The following CDK14 variants were observed in gnomAD, a reference collection of about 807,000 sequenced individuals.
CDK14 encodes the protein cyclin dependent kinase 14, also known as cyclin-dependent kinase 14.
In CDK14, 34 loss-of-function variants were observed where a neutral mutation model predicts 60.7. The observed-to-expected ratio is 0.56, with a 90% CI of 0.43 to 0.75. The LOEUF (loss-of-function observed/expected upper bound fraction) is 0.75. Among genes scored for constraint, CDK14 ranks in the 30% least tolerant of loss-of-function variants. The pLI, the probability that CDK14 is intolerant of heterozygous loss-of-function variation, is 0.00. For missense variants in CDK14, 482 were observed against 564.1 expected (o/e 0.85, Z 1.47); for synonymous variants, 197 against 203.7 (o/e 0.97, Z 0.28).
intron 10 of CDK14, among the ~76,000 whole-genome samples, chr7:91,015,031 GTCTA>G (rs3840669): frequency 4.3e-4 from 65 of 152,240 alleles, no homozygotes; most frequent in African/African-American, 1.2e-3. Context: ...TCTTATAGGA[GTCTA>G]TCTATCTTTA....
In CDK14 at chr7:90,874,467, G is replaced by A. The variant is rs183998278; in HGVS notation, c.639+11198G>A. ...AGGTTCAGCTTTATGCTCATTGGGT[G>A]TACTTTTTCAATCTGGAATCTCATG... On this transcript the variant is annotated intron_variant, in intron 6 of 14. Coordinates refer to ENST00000380050, the MANE Select transcript of CDK14 (RefSeq NM_001287135.2). Among the ~76,000 whole-genome samples, 10 of 112,230 alleles carry A rather than the reference G, an allele frequency of 8.9e-5. No individual in the cohort carries two copies. The East Asian group carries it at 3.5e-3, about 40-fold the overall frequency. The allele number at this position is 112,230 out of a possible 152,430, so 73.6% of individuals were successfully genotyped here. A position where few individuals can be genotyped will look rare whatever the true frequency, so the allele number is the denominator to read the frequency against.
intron 6 of CDK14, among the ~76,000 whole-genome samples, chr7:90,892,654 G>C (rs1792171810): frequency 6.6e-6 from 1 of 152,230 alleles, no homozygotes; most frequent in South Asian, 2.1e-4. Context: ...ACCTCAAGAG[G>C]GTTATGATTT....
At chr7:90,699,837 G>A (rs1180974966) in intron 2 of CDK14, among the ~76,000 whole-genome samples, 2 of 152,168 alleles carry the variant, frequency 1.3e-5, no homozygotes, top group Admixed American at 6.5e-5. Flanking sequence ...CATGTGAGCT[G>A]AATCTTTCCT....
intron 5 of CDK14, among the ~76,000 whole-genome samples, chr7:90,855,846 G>A (rs759369338): frequency 1.9e-4 from 29 of 152,340 alleles, no homozygotes; most frequent in Middle Eastern, 6.8e-3. Flanking sequence ...AGTCCACAAT[G>A]TGGAAGTAGC....
chr7:90,740,308 G>C (rs1026900379), intron 3 of CDK14, among the ~76,000 whole-genome samples: 4 of 151,796 alleles, frequency 2.6e-5, no homozygotes, highest in Non-Finnish European at 5.9e-5. Context: ...GAAAGAGAAA[G>C]AGTGTGTGTG....
chr7:91,049,670 T>A (rs1411250775), intron 11 of CDK14, among the ~76,000 whole-genome samples: 1 of 152,270 alleles, frequency 6.6e-6, no homozygotes, highest in Non-Finnish European at 1.5e-5. Flanking sequence ...TTTTAACATA[T>A]GCTAACCTAA....
intron 10 of CDK14, among the ~76,000 whole-genome samples, chr7:91,033,423 C>G (rs1796818747): frequency 6.6e-6 from 1 of 152,230 alleles, no homozygotes; most frequent in Non-Finnish European, 1.5e-5. Flanking sequence ...TTCCTCTCCT[C>G]TATTCGTGCT....
At chr7:90,819,224 A>G (rs1365292400) in intron 5 of CDK14, among the ~76,000 whole-genome samples, 1 of 152,138 alleles carries the variant, frequency 6.6e-6, no homozygotes, top group African/African-American at 2.4e-5. Flanking sequence ...AAGAACTGAG[A>G]TTTTCAAACC....
intron 12 of CDK14, among the ~76,000 whole-genome samples, chr7:91,085,835 A>G (rs184047103): frequency 6.6e-6 from 1 of 152,320 alleles, no homozygotes. Context: ...ACAGAGGAAA[A>G]AGAGATTATG....
intron 14 of CDK14, among the ~76,000 whole-genome samples, chr7:91,144,810 T>C (rs932923961): frequency 1.3e-5 from 2 of 152,032 alleles, no homozygotes; most frequent in African/African-American, 4.8e-5. Flanking sequence ...GAATCAAAGG[T>C]AAAACATGCA....
At chr7:90,639,676 AGAGGTTACTGCTGTC>A (rs1800267761) in intron 2 of CDK14, among the ~76,000 whole-genome samples, 2 of 131,168 alleles carry the variant, frequency 1.5e-5, no homozygotes, top group Non-Finnish European at 3.2e-5. Flanking sequence ...AGACAGGGAC[AGAGGTTACTGCTGTC>A]TTTTTGTTTG....
intron 12 of CDK14, 51 bp downstream of exon 12, chr7:91,079,531 T>C (rs767612297): frequency 3.2e-6 from 4 of 1,250,652 alleles, no homozygotes; most frequent in Middle Eastern, 3.7e-4. Flanking sequence ...CTTTTAATAT[T>C]TACAACTCTT....
chr7:90,823,536 C>T (rs1584013514), intron 5 of CDK14, among the ~76,000 whole-genome samples: 1 of 152,232 alleles, frequency 6.6e-6, no homozygotes, highest in Non-Finnish European at 1.5e-5. Context: ...TCCACTTTGA[C>T]TTGGGTGGTG....
chr7:90,855,818 A>G (rs1790800998), intron 5 of CDK14, among the ~76,000 whole-genome samples: 1 of 152,202 alleles, frequency 6.6e-6, no homozygotes, highest in African/African-American at 2.4e-5. Context: ...TTTAGTAACC[A>G]GTTGATGTGG....
chr7:90,730,224 A>G (rs750460155), intron 3 of CDK14, among the ~76,000 whole-genome samples: 5 of 152,146 alleles, frequency 3.3e-5, no homozygotes, highest in Non-Finnish European at 7.4e-5. Context: ...CATGGTGTAT[A>G]TGTGCCACAT....
intron 11 of CDK14, among the ~76,000 whole-genome samples, chr7:91,054,007 AT>A (rs1275376440): frequency 1.3e-5 from 2 of 150,046 alleles, no homozygotes; most frequent in African/African-American, 4.9e-5. Context: ...TACTCTACCT[AT>A]TTTTAAGCAG....
chr7:90,760,331 G>C (rs2213980), intron 4 of CDK14, among the ~76,000 whole-genome samples: 29,029 of 152,134 alleles, frequency 0.19, 2,886 homozygotes, highest in South Asian at 0.24. Context: ...TAAAGGTCAA[G>C]TTCATTGAAA....
intron 2 of CDK14, among the ~76,000 whole-genome samples, chr7:90,705,383 C>G (rs191505144): frequency 6.6e-6 from 1 of 152,090 alleles, no homozygotes; most frequent in Admixed American, 6.5e-5. Context: ...ATTCTCTATC[C>G]CTTTCTTCAG....
At chr7:90,854,667 CA>C (rs1429664110) in intron 5 of CDK14, among the ~76,000 whole-genome samples, 1 of 141,474 alleles carries the variant, frequency 7.1e-6, no homozygotes, top group Non-Finnish European at 1.5e-5. Context: ...TTTTTTTTTT[CA>C]ATCACATACT....
Sources: allele counts gnomAD v4.1 joint callset (sites outside exome capture counted in the v4.1 genomes callset), GRCh38; gene constraint gnomAD v4.1.1; transcripts MANE v1.5; gene names NCBI Gene and HGNC (gene_info 2026-07-23, HGNC 2026-07-21).